The following GSK3B variants were observed in gnomAD, a reference collection of about 807,000 sequenced individuals.
The protein encoded by GSK3B is glycogen synthase kinase 3 beta.
Under a neutral mutation model 56.4 loss-of-function variants are expected in GSK3B, and 15 were observed. The ratio of observed to expected loss-of-function variants is 0.27; its 90% confidence interval spans 0.18 to 0.41. The LOEUF (loss-of-function observed/expected upper bound fraction) is 0.41, where lower values mean the gene tolerates loss of function less well. GSK3B is among the 10% of genes least tolerant of loss of function. GSK3B has a pLI of 1.00. For synonymous variants in GSK3B, 181 were observed against 188.9 expected, an observed-to-expected ratio of 0.96 and a Z score of 0.34; for missense variants, 300 against 513.4, an observed-to-expected ratio of 0.58 and a Z score of 4.02.
intron 10 of GSK3B, among the ~76,000 whole-genome samples, chr3:119,842,059 C>T (rs942144480): frequency 6.6e-6 from 1 of 152,090 alleles, no homozygotes; most frequent in Non-Finnish European, 1.5e-5. Flanking sequence ...GAAGTCAGCT[C>T]CTGCCATTAG....
intron 2 of GSK3B, among the ~76,000 whole-genome samples, chr3:119,994,923 T>A (rs1460388483): frequency 4.6e-5 from 7 of 152,176 alleles, no homozygotes; most frequent in East Asian, 1.9e-4. Context: ...TTGATTTTTT[T>A]ATAATTATTA....
Position 119,905,959 on chromosome 3 carries a change from G to A in GSK3B, c.716-107C>T, listed in dbSNP as rs2056678512. On this transcript the variant is annotated intron_variant, in intron 6 of 10. Coordinates refer to ENST00000264235, the MANE Select transcript of GSK3B (RefSeq NM_001146156.2). ...TTTGATCACAGAGTAAATATCACAGGAAAAGATTATACAATCCAAAACAGA... is the reference window on the plus strand; with the variant it reads ...TTTGATCACAGAGTAAATATCACAGAAAAAGATTATACAATCCAAAACAGA... 7.0e-6 allele frequency: 5 copies of A among 714,180 alleles called. No individual in the cohort carries two copies. The East Asian group carries it at 9.9e-5, about 14-fold the overall frequency. 44.2% of individuals were successfully genotyped at this position (714,180 alleles called of 1,614,324 possible). A position where few individuals can be genotyped will look rare whatever the true frequency, so the allele number is the denominator to read the frequency against.
In GSK3B at chr3:119,923,396, T is replaced by C. The variant is rs764422326; in HGVS notation, c.454A>G (p.Thr152Ala). The change falls in exon 4 of 11, where the codon ACG becomes GCG. Residue 152 changes from threonine (T) to alanine (A), a missense_variant. Thr to Ala is a moderately conservative substitution (Grantham distance 58, BLOSUM62 0). This residue lies in a region of GSK3B where 62 missense variants were observed against 84.0 expected (regional missense o/e 0.74). Transcript: ENST00000264235. The part of the protein sequence containing the change: ...VARHYSRAKQ[T>A]LPVIYVKLYM... ...ACCTTGACATAAATCACAGGGAGCGTCTGTTTGGCTCGACTATAGTGTCTG... is the reference window on the plus strand; with the variant it reads ...ACCTTGACATAAATCACAGGGAGCGCCTGTTTGGCTCGACTATAGTGTCTG... 3.8e-6 allele frequency: 6 copies of C among 1,582,786 alleles called. No homozygotes were observed. Among genetic ancestry groups the C allele is most frequent in the South Asian group, 1.1e-5 (1 of 89,792 alleles).
At chr3:120,004,978 C>G (rs1233543452) in intron 1 of GSK3B, among the ~76,000 whole-genome samples, 8 of 152,008 alleles carry the variant, frequency 5.3e-5, no homozygotes, top group South Asian at 2.1e-4. Flanking sequence ...CAAACTTCTC[C>G]AAGTTAAAGA....
intron 1 of GSK3B, among the ~76,000 whole-genome samples, chr3:120,026,479 A>G (rs1442473977): frequency 6.6e-6 from 1 of 151,240 alleles, no homozygotes; most frequent in Non-Finnish European, 1.5e-5. Context: ...CCACTGCTGG[A>G]AACAGAGAAA....
chr3:119,926,113 CTCT>C (rs2056886714), intron 3 of GSK3B, among the ~76,000 whole-genome samples: 1 of 152,086 alleles, frequency 6.6e-6, no homozygotes, highest in African/African-American at 2.4e-5. Context: ...GTCCTCAGAT[CTCT>C]TCTGTTCTTT....
At chr3:119,915,982 A>T (rs1009696251) in intron 5 of GSK3B, 62 bp downstream of exon 5, 12 of 1,189,974 alleles carry the variant, frequency 1.0e-5, no homozygotes, top group Admixed American at 2.0e-5. Context: ...AATATATTTA[A>T]AAGAAGATAG....
chr3:119,832,323 AGAC>A (rs1318037699), intron 10 of GSK3B, among the ~76,000 whole-genome samples: 2 of 152,258 alleles, frequency 1.3e-5, no homozygotes, highest in Non-Finnish European at 2.9e-5. Context: ...GCAAGTCATC[AGAC>A]GACTGCATCC....
rs967509150 is a variant in GSK3B at position 120,094,109 on chromosome 3, G to A, written c.-675C>T. The A allele has an allele frequency of 4.4e-6, 1 of 228,972 alleles. No individual in the cohort carries two copies. The highest frequency in any genetic ancestry group is 8.7e-6 in the Non-Finnish European group (1 of 114,954). 14.2% of individuals were successfully genotyped at this position (228,972 alleles called of 1,614,324 possible). On this transcript the variant is annotated 5_prime_UTR_variant, in exon 1 of 11. Transcript: ENST00000264235. ...CAGCTGCAGGCGGCGGCTGGATCCA[G>A]CGGCCATGGCGGTGGCGGAGGCAGC...
At chr3:119,972,435 T>C (rs1454669521) in intron 2 of GSK3B, among the ~76,000 whole-genome samples, 1 of 152,098 alleles carries the variant, frequency 6.6e-6, no homozygotes, top group Non-Finnish European at 1.5e-5. Context: ...ATTTTGTTTG[T>C]TTGTTTGTTT....
At chr3:119,938,353 T>C (rs2057015860) in intron 3 of GSK3B, among the ~76,000 whole-genome samples, 1 of 151,984 alleles carries the variant, frequency 6.6e-6, no homozygotes, top group Admixed American at 6.6e-5. Context: ...ATATCCCTTA[T>C]AAATATAAAC....
chr3:119,901,345 C>G (rs1324190914), intron 7 of GSK3B, among the ~76,000 whole-genome samples: 1 of 152,084 alleles, frequency 6.6e-6, no homozygotes, highest in Admixed American at 6.6e-5. Flanking sequence ...TAATGAAATG[C>G]TGATCTGACA....
intron 2 of GSK3B, among the ~76,000 whole-genome samples, chr3:119,961,632 C>CAAAAA (rs1211316414): frequency 5.2e-5 from 5 of 95,866 alleles, no homozygotes; most frequent in African/African-American, 6.5e-5. Flanking sequence ...GTCTCACAAA[C>CAAAAA]AAAAAAAAAA....
At chr3:119,973,329 C>T (rs72969128) in intron 2 of GSK3B, among the ~76,000 whole-genome samples, 1,851 of 152,294 alleles carry the variant, frequency 0.012, 33 homozygotes, top group African/African-American at 0.042. Context: ...TGAAATCTCA[C>T]GCTGTCCTGC....
chr3:119,863,397 G>C (rs748600901), intron 9 of GSK3B, 22 bp downstream of exon 9: 1 of 1,586,348 alleles, frequency 6.3e-7, no homozygotes, highest in South Asian at 1.1e-5. Flanking sequence ...AACTGGTGAA[G>C]AGGCTAAGTG....
At chr3:119,838,215 G>C (rs535076094) in intron 10 of GSK3B, among the ~76,000 whole-genome samples, 1 of 151,960 alleles carries the variant, frequency 6.6e-6, no homozygotes, top group Admixed American at 6.6e-5. Flanking sequence ...CTTGAACCCA[G>C]GAGTTGGAGG....
At chr3:119,847,339 GC>G (rs2055869768) in intron 9 of GSK3B, among the ~76,000 whole-genome samples, 2 of 151,998 alleles carry the variant, frequency 1.3e-5, no homozygotes, top group Admixed American at 1.3e-4. Context: ...AATTAGCCTG[GC>G]GTGGTGGCAC....
At chr3:120,070,641 AAC>A (rs994474803) in intron 1 of GSK3B, among the ~76,000 whole-genome samples, 20 of 152,368 alleles carry the variant, frequency 1.3e-4, no homozygotes, top group African/African-American at 3.8e-4. Flanking sequence ...TCACTATAGA[AAC>A]ACACAGAGTT....
In GSK3B at chr3:120,017,170, C is replaced by T. The variant is rs191531613; in HGVS notation, c.89-14931G>A. On this transcript the variant is annotated intron_variant, in intron 1 of 10. Coordinates refer to ENST00000264235, the MANE Select transcript of GSK3B (RefSeq NM_001146156.2). ...TTACCAGATTATCAAAGAATTAGTA[C>T]GCTATACATGGATGAAAAGAGAAAA... 3.7e-4 allele frequency among the ~76,000 whole-genome samples: 56 copies of T among 152,158 alleles called. No individual in the cohort carries two copies. The Middle Eastern group carries it at 0.01, about 28-fold the overall frequency.
Sources: allele counts gnomAD v4.1 joint callset (sites outside exome capture counted in the v4.1 genomes callset), GRCh38; gene constraint gnomAD v4.1.1; regional missense constraint gnomAD v4.1.1; transcripts MANE v1.5; gene names NCBI Gene and HGNC (gene_info 2026-07-23, HGNC 2026-07-21).